Variants in HLA-DRB5 observed in about 807,000 individuals in gnomAD.
HLA-DRB5 encodes the protein DR beta-5.
Under a neutral mutation model 22.4 loss-of-function variants are expected in HLA-DRB5, and 11 were observed. That is an observed-to-expected ratio of 0.49 (90% CI 0.31 to 0.81). HLA-DRB5 has a LOEUF of 0.81. Ranked by LOEUF, HLA-DRB5 falls within the 40% of genes least tolerant of loss-of-function variation. The pLI is 0.05. For missense variants in HLA-DRB5, 106 were observed against 274.4 expected (o/e 0.39, Z 4.34); for synonymous variants, 57 against 106.0 (o/e 0.54, Z 2.84).
intron 2 of HLA-DRB5, among the ~76,000 whole-genome samples, chr6:32,520,421 C>CTAAAAAAG (rs1768690811): frequency 1.3e-5 from 1 of 75,666 alleles, no homozygotes; most frequent in African/African-American, 5.6e-5. Context: ...CTTTAAGTTC[C>CTAAAAAAG]CAGCAAAGCA....
intron 1 of HLA-DRB5, among the ~76,000 whole-genome samples, chr6:32,523,194 C>T (rs73726178): frequency 0.022 from 886 of 39,928 alleles, 11 homozygotes; most frequent in Non-Finnish European, 0.025. Flanking sequence ...ATTTCTAAAT[C>T]CACAAAGCTC....
chr6:32,519,532 T>G lies in HLA-DRB5; in HGVS notation c.490A>C (p.Ser164Arg), dbSNP rs1059633. Residue 164 changes from serine (S) to arginine (R), a missense_variant, in exon 3 of 6, where the codon AGC becomes CGC. Ser to Arg is a moderately radical substitution (Grantham distance 110). Coordinates refer to ENST00000374975, the MANE Select transcript of HLA-DRB5 (RefSeq NM_002125.4). ...GSIEVRWFRN[S>R]QEEKAGVVST... is the part of the protein sequence containing the mutation. ...ACCACCCCAGCCTTCTCTTCCTGGC[T>G]GTTCCGGAACCACCTGACTTCAATG... is the stretch of plus-strand genomic sequence containing the variant. 6.7e-7 allele frequency: 1 copy of G among 1,485,234 alleles called. No individual in the cohort carries two copies. The highest frequency in any genetic ancestry group is 9.0e-7 in the Non-Finnish European group (1 of 1,110,360). The allele number at this position is 1,485,234 out of a possible 1,614,324, so 92.0% of individuals were successfully genotyped here.
rs1770205987 is a variant in HLA-DRB5 at position 32,530,181 on chromosome 6, AGCT to A, written c.41_43del (p.Lys14_Leu15delinsMet). Reference sequence around the variant, plus strand: ...GCTCAGCACCATCAGTGTCACTGTCAGCTTTGCCATGTAGGAACCTCCAGGGAG... The same window carrying A: ...GCTCAGCACCATCAGTGTCACTGTCATTGCCATGTAGGAACCTCCAGGGAG... On this transcript the variant is annotated inframe_deletion, in exon 1 of 6. Coordinates refer to ENST00000374975, the MANE Select transcript of HLA-DRB5 (RefSeq NM_002125.4). 7.0e-7 allele frequency: 1 copy of A among 1,421,364 alleles called. No homozygotes were observed. The highest frequency in any genetic ancestry group is 9.6e-7 in the Non-Finnish European group (1 of 1,044,698). The allele number at this position is 1,421,364 out of a possible 1,614,324, so 88.0% of individuals were successfully genotyped here. A position where few individuals can be genotyped will look rare whatever the true frequency, so the allele number is the denominator to read the frequency against.
intron 2 of HLA-DRB5, among the ~76,000 whole-genome samples, chr6:32,521,480 A>C (rs1768858648): frequency 8.0e-6 from 1 of 125,312 alleles, no homozygotes; most frequent in African/African-American, 3.0e-5. Flanking sequence ...TATTATCACA[A>C]ATCTTCCACA....
At chr6:32,521,220 G>T (rs1293932470) in intron 2 of HLA-DRB5, among the ~76,000 whole-genome samples, 694 of 14,774 alleles carry the variant, frequency 0.047, no homozygotes, top group Middle Eastern at 0.17. Flanking sequence ...AATAGTAACA[G>T]TGTATTAAAA....
At chr6:32,520,355 A>C (rs72508437) in intron 2 of HLA-DRB5, among the ~76,000 whole-genome samples, 39,884 of 62,310 alleles carry the variant, frequency 0.64, 17,640 homozygotes, top group Middle Eastern at 0.89. Context: ...CCTTAGAACA[A>C]CACAGAAATG....
intron 1 of HLA-DRB5, 109 bp from the exon 2 acceptor site, chr6:32,522,283 A>AC (rs1198643186): frequency 3.3e-5 from 9 of 271,568 alleles, no homozygotes; most frequent in South Asian, 2.0e-4. Context: ...TGGAACCTTA[A>AC]CTGATCCCAA....
intron 2 of HLA-DRB5, among the ~76,000 whole-genome samples, chr6:32,520,685 A>T (rs924411425): frequency 0.087 from 4,339 of 49,836 alleles, 392 homozygotes; most frequent in African/African-American, 0.11. Context: ...CATTTTTTTT[A>T]AGAAGGAAGG....
In HLA-DRB5 at chr6:32,521,336, C is replaced by T. The variant is rs1408542242; in HGVS notation, c.370+569G>A. ...AAGAAATTTAGACCTAAAGAAGCTT[C>T]AGAAGTGCCTCAGAGGTCTCCTCAA... On this transcript the variant is annotated intron_variant, in intron 2 of 5. Transcript: ENST00000374975. 6.7e-3 allele frequency among the ~76,000 whole-genome samples: 855 copies of T among 127,760 alleles called. No individual in the cohort carries two copies. The East Asian group carries it at 0.079, about 12-fold the overall frequency. 83.8% of individuals were successfully genotyped at this position (127,760 alleles called of 152,430 possible).
At chr6:32,524,702 CT>C (rs369888237) in intron 1 of HLA-DRB5, among the ~76,000 whole-genome samples, 31,651 of 99,862 alleles carry the variant, frequency 0.32, 9,143 homozygotes, top group African/African-American at 0.39. Flanking sequence ...TAAGCACTTT[CT>C]TTACAGACAG....
chr6:32,528,592 T>G (rs867574460), intron 1 of HLA-DRB5, among the ~76,000 whole-genome samples: 5 of 41,536 alleles, frequency 1.2e-4, no homozygotes, highest in East Asian at 6.3e-4. Flanking sequence ...CTCCTTCTAA[T>G]TGGAAGAAGA....
intron 1 of HLA-DRB5, among the ~76,000 whole-genome samples, chr6:32,529,196 A>G (rs1770017168): frequency 7.5e-6 from 1 of 132,634 alleles, no homozygotes; most frequent in Non-Finnish European, 1.6e-5. Flanking sequence ...TGAGATGTGA[A>G]CAATGTCCAC....
rs879229020 is a variant in HLA-DRB5 at position 32,521,811 on chromosome 6, T to TCTCTCTCACA, written c.370+93_370+94insTGTGAGAGAG. ...CTCTGTCTCTCTCTTCCTCTCTCTC[T>TCTCTCTCACA]CACACACACACACACACACACACAC... On this transcript the variant is annotated intron_variant, in intron 2 of 5. Coordinates refer to ENST00000374975, the MANE Select transcript of HLA-DRB5 (RefSeq NM_002125.4). 126 of 249,248 alleles carry TCTCTCTCACA rather than the reference T, an allele frequency of 5.1e-4. 4 individuals carry two copies. Among genetic ancestry groups the TCTCTCTCACA allele is most frequent in the African/African-American group, 4.8e-3 (74 of 15,338 alleles). The allele number at this position is 249,248 out of a possible 1,614,324, so 15.4% of individuals were successfully genotyped here. A position where few individuals can be genotyped will look rare whatever the true frequency, so the allele number is the denominator to read the frequency against.
chr6:32,519,805 A>G, intron 2 of HLA-DRB5, among the ~76,000 whole-genome samples, 154 bp from the exon 3 acceptor site: 2 of 94,366 alleles, frequency 2.1e-5, no homozygotes. Flanking sequence ...ATCAGCCTGG[A>G]ATTTAGTCTT....
At chr6:32,529,217 T>A (rs113586973) in intron 1 of HLA-DRB5, among the ~76,000 whole-genome samples, 15,515 of 105,610 alleles carry the variant, frequency 0.15, 8 homozygotes, top group Admixed American at 0.18. Context: ...ATTCTCTCTG[T>A]AACCCCACAC....
Position 32,520,160 on chromosome 6 carries a change from T to A in HLA-DRB5, c.371-509A>T, listed in dbSNP as rs73726164. On this transcript the variant is annotated intron_variant, in intron 2 of 5. Coordinates refer to ENST00000374975, the MANE Select transcript of HLA-DRB5 (RefSeq NM_002125.4). ...TTAATTTATGAGGTCATAAAGCTTC[T>A]CACTCCATTCCACTGTGAGAGGGCT... Among the ~76,000 whole-genome samples the A allele has an allele frequency of 9.2e-3, 390 of 42,582 alleles. 16 individuals are homozygous for A. The highest frequency in any genetic ancestry group is 0.017 in the African/African-American group (173 of 10,068). The allele number at this position is 42,582 out of a possible 152,430, so 27.9% of individuals were successfully genotyped here. A position where few individuals can be genotyped will look rare whatever the true frequency, so the allele number is the denominator to read the frequency against.
At chr6:32,523,543 G>C (rs181567486) in intron 1 of HLA-DRB5, among the ~76,000 whole-genome samples, 81 of 37,264 alleles carry the variant, frequency 2.2e-3, no homozygotes, top group Non-Finnish European at 2.4e-3. Context: ...AGGCATGTTA[G>C]TGAAAAATAA....
chr6:32,525,044 GTTTC>G (rs1769436893), intron 1 of HLA-DRB5, among the ~76,000 whole-genome samples: 1 of 47,070 alleles, frequency 2.1e-5, no homozygotes, highest in African/African-American at 7.8e-5. Context: ...ATGAATGAAA[GTTTC>G]TTTTATACAT....
chr6:32,523,685 C>G (rs1213109337), intron 1 of HLA-DRB5, among the ~76,000 whole-genome samples: 236 of 116,264 alleles, frequency 2.0e-3, no homozygotes, highest in East Asian at 0.015. Context: ...AGCTATTAAA[C>G]TTGCATTGAC....
Sources: allele counts gnomAD v4.1 joint callset (sites outside exome capture counted in the v4.1 genomes callset), GRCh38; gene constraint gnomAD v4.1.1; transcripts MANE v1.5; gene names NCBI Gene and HGNC (gene_info 2026-07-23, HGNC 2026-07-21).